The following TMEM214 variants were observed in gnomAD, a reference collection of about 807,000 sequenced individuals.
TMEM214 encodes the protein transmembrane protein 214.
A neutral mutation model predicts 89.8 loss-of-function variants in TMEM214; 71 were observed. The observed-to-expected ratio is 0.79, with a 90% CI of 0.65 to 0.96. The LOEUF is 0.96. Ranked by LOEUF, TMEM214 falls within the 40% of genes least tolerant of loss-of-function variation. TMEM214 has a pLI of 0.00. For synonymous variants in TMEM214, 332 were observed against 349.5 expected (o/e 0.95, Z 0.56); for missense variants, 754 against 843.4 (o/e 0.89, Z 1.31).
intron 1 of TMEM214, among the ~76,000 whole-genome samples, chr2:27,033,661 T>C (rs1365532884): frequency 6.6e-6 from 1 of 151,638 alleles, no homozygotes; most frequent in Non-Finnish European, 1.5e-5. Flanking sequence ...CACTGAGGAG[T>C]GGAGAAAGAT....
intron 13 of TMEM214, 30 bp from the exon 14 acceptor site, chr2:27,039,711 C>G (rs370661796): frequency 6.3e-7 from 1 of 1,599,576 alleles, no homozygotes; most frequent in Non-Finnish European, 8.6e-7. Flanking sequence ...CCTCTCACCT[C>G]CCAGCTCACC....
intron 7 of TMEM214, 69 bp from the exon 8 acceptor site, chr2:27,036,999 TTGGCTTAGC>T: frequency 3.0e-6 from 4 of 1,327,946 alleles, no homozygotes; most frequent in Non-Finnish European, 4.3e-6. Context: ...TTCCTAGATG[TTGGCTTAGC>T]TGGGGTCATG....
chr2:27,039,905 G>A (rs1558400909), intron 14 of TMEM214, 68 bp downstream of exon 14: 8 of 1,390,248 alleles, frequency 5.8e-6, no homozygotes, highest in African/African-American at 1.4e-5. Flanking sequence ...GGGAGGAGGC[G>A]ACAGTCAGTG....
intron 13 of TMEM214, 120 bp downstream of exon 13, chr2:27,039,284 A>C: frequency 1.2e-6 from 1 of 817,766 alleles, no homozygotes. Flanking sequence ...AATCCTGCAG[A>C]GTAAACACTT....
At chr2:27,039,600 C>T in intron 13 of TMEM214, 141 bp from the exon 14 acceptor site, 2 of 760,392 alleles carry the variant, frequency 2.6e-6, no homozygotes, top group Admixed American at 4.0e-5. Flanking sequence ...TCCACAGCAG[C>T]CTGGAGCTGG....
Position 27,040,698 on chromosome 2 carries a change from A to G in TMEM214, c.1944-13A>G. 1 of 1,613,172 alleles carries G rather than the reference A, an allele frequency of 6.2e-7. No individual in the cohort carries two copies. Among genetic ancestry groups the G allele is most frequent in the Non-Finnish European group, 8.5e-7 (1 of 1,179,734 alleles). On this transcript the variant is annotated splice_polypyrimidine_tract_variant and intron_variant, in intron 16 of 16. Transcript: ENST00000238788. ...TCACGTGCATACTCAAAAATGTTCCACTTTCCTTCCAGAGGTGAGGTGACC... is the reference window on the plus strand; with the variant it reads ...TCACGTGCATACTCAAAAATGTTCCGCTTTCCTTCCAGAGGTGAGGTGACC...
rs937887009 is a variant in TMEM214 at position 27,035,964 on chromosome 2, C to T, written c.638-6C>T. 2 of 1,614,074 alleles carry T rather than the reference C, an allele frequency of 1.2e-6. No homozygotes were observed. Among genetic ancestry groups the T allele is most frequent in the Non-Finnish European group, 1.7e-6 (2 of 1,179,940 alleles). On this transcript the variant is annotated splice_polypyrimidine_tract_variant and splice_region_variant and intron_variant, in intron 4 of 16. Coordinates refer to ENST00000238788, the MANE Select transcript of TMEM214 (RefSeq NM_017727.5). ...TGAGTAGGTGTGAGAATGTGTATCT[C>T]TCCAGGGGAGTCACTACATGGTTAC... is the stretch of plus-strand genomic sequence containing the variant.
Position 27,036,732 on chromosome 2 carries a change from TG to T in TMEM214, c.857del (p.Gly286AlafsTer18). ...KVWLGIMLPVLGIKSLSPFAI... is the reference protein window; with the variant it reads ...KVWLGIMLPVXGIKSLSPFAI... The stretch of plus-strand genomic sequence containing the variant: ...TGGCTGGGGATCATGCTGCCTGTGC[TG>T]GGCATCAAGTCTCTGTCTCCCTTTG... On this transcript the variant is annotated frameshift_variant, in exon 7 of 17. Transcript: ENST00000238788. LOFTEE classifies it high-confidence loss of function. 5 of 1,614,182 alleles carry T rather than the reference TG, an allele frequency of 3.1e-6. No individual in the cohort carries two copies. The highest frequency in any genetic ancestry group is 4.2e-6 in the Non-Finnish European group (5 of 1,180,032).
Position 27,036,014 on chromosome 2 carries a change from C to T in TMEM214, c.682C>T (p.Gln228Ter). Reference protein sequence around the residue: ...GYRICIQAILQDKPKIATANL... With the variant: ...GYRICIQAIL ...CCGCATCTGTATCCAGGCCATCCTGCAAGACAAGCCCAAGATTGCCACGGC... is the reference window on the plus strand; with the variant it reads ...CCGCATCTGTATCCAGGCCATCCTGTAAGACAAGCCCAAGATTGCCACGGC... The change falls in exon 5 of 17, where the codon CAA (glutamine) becomes TAA (stop). Residue 228 changes from glutamine (Q) to a stop codon, truncating the protein, a stop_gained. Coordinates refer to ENST00000238788, the MANE Select transcript of TMEM214 (RefSeq NM_017727.5). LOFTEE classifies it high-confidence loss of function. 1.2e-6 allele frequency: 2 copies of T among 1,614,136 alleles called. No homozygotes were observed. The highest frequency in any genetic ancestry group is 1.7e-6 in the Non-Finnish European group (2 of 1,180,026).
At chr2:27,034,585 T>C in intron 2 of TMEM214, 2 of 302,894 alleles carry the variant, frequency 6.6e-6, no homozygotes, top group South Asian at 8.8e-5. Flanking sequence ...TTTTCTGTCT[T>C]GTCCTCTGTT....
Position 27,035,245 on chromosome 2 carries a change from A to C in TMEM214, c.462A>C (p.Gln154His), listed in dbSNP as rs771720052. 6.2e-7 allele frequency: 1 copy of C among 1,614,220 alleles called. No homozygotes were observed. The highest frequency in any genetic ancestry group is 8.5e-7 in the Non-Finnish European group (1 of 1,180,050). The change falls in exon 3 of 17, where the codon CAA (glutamine) becomes CAC (histidine). Residue 154 changes from glutamine to histidine, a missense_variant. By Grantham distance (24) the Gln-to-His change is conservative. Transcript: ENST00000238788. ...CCAGCTATCTCAACTACAAGCTACA[A>C]GCTCCTCTAAGTGAACCCACGCTGA... ...DLASYLNYKLQAPLSEPTLSQ... is the reference protein window; with the variant it reads ...DLASYLNYKLHAPLSEPTLSQ...
chr2:27,037,203 G>C (rs1667605147), intron 8 of TMEM214, 25 bp downstream of exon 8: 4 of 1,539,190 alleles, frequency 2.6e-6, no homozygotes, highest in Non-Finnish European at 3.6e-6. Flanking sequence ...GGGCACACCT[G>C]CTGAGAAGGG....
At position 27,038,846 on chromosome 2, in the gene TMEM214, C is replaced by A. The variant is rs111715220; in HGVS notation, c.1407+31C>A. On this transcript the variant is annotated intron_variant, in intron 12 of 16. Coordinates refer to ENST00000238788, the MANE Select transcript of TMEM214 (RefSeq NM_017727.5). This position sits in a 1 kb window ranked among gnomAD's most constrained non-coding sequence, Gnocchi z 4.4. Reference sequence around the variant, plus strand: ...GGCACCCGGTCCTCTCCAGCCCACACGCTATCTTACATCTCTGTCTCAGCA... The same window carrying A: ...GGCACCCGGTCCTCTCCAGCCCACAAGCTATCTTACATCTCTGTCTCAGCA... 1 of 1,580,168 alleles carries A rather than the reference C, an allele frequency of 6.3e-7. No individual in the cohort carries two copies. The highest frequency in any genetic ancestry group is 8.7e-7 in the Non-Finnish European group (1 of 1,150,770).
At chr2:27,036,904 T>C in intron 7 of TMEM214, 118 bp downstream of exon 7, 1 of 1,174,912 alleles carries the variant, frequency 8.5e-7, no homozygotes, top group South Asian at 1.2e-5. Flanking sequence ...GACCAGCTTC[T>C]CCCACCACCT....
chr2:27,040,298 A>T, intron 15 of TMEM214, 47 bp from the exon 16 acceptor site: 1 of 1,611,722 alleles, frequency 6.2e-7, no homozygotes, highest in Non-Finnish European at 8.5e-7. Context: ...TAGGGCCAGG[A>T]TGCAGTTCCC....
chr2:27,032,974 CGGAA>C lies in TMEM214; in HGVS notation c.-41_-38del, dbSNP rs1194955854. The stretch of plus-strand genomic sequence containing the variant: ...AGAGTGCGGCGCGCTCGCGCCGGAC[CGGAA>C]AGCCGGGGAAGTGGCCGAGGAGGGA... On this transcript the variant is annotated 5_prime_UTR_variant, in exon 1 of 17. Coordinates refer to ENST00000238788, the MANE Select transcript of TMEM214 (RefSeq NM_017727.5). 13 of 1,243,318 alleles carry C rather than the reference CGGAA, an allele frequency of 1.0e-5. No individual in the cohort carries two copies. The highest frequency in any genetic ancestry group is 1.6e-5 in the African/African-American group (1 of 64,318). The allele number at this position is 1,243,318 out of a possible 1,614,324, so 77.0% of individuals were successfully genotyped here.
intron 1 of TMEM214, among the ~76,000 whole-genome samples, chr2:27,033,740 A>G (rs188832689): frequency 3.9e-5 from 6 of 152,254 alleles, no homozygotes; most frequent in Admixed American, 3.9e-4. Flanking sequence ...AAGATGGAAA[A>G]AGCTTGTCTT....
chr2:27,035,895 C>G, intron 4 of TMEM214, 75 bp from the exon 5 acceptor site: 1 of 1,587,826 alleles, frequency 6.3e-7, no homozygotes, highest in Non-Finnish European at 8.6e-7. Flanking sequence ...CCTGGGCTCA[C>G]CGCTGACAAA....
At chr2:27,037,798 C>T (rs777389287) in intron 9 of TMEM214, 96 bp downstream of exon 9, 2 of 1,611,228 alleles carry the variant, frequency 1.2e-6, no homozygotes, top group Admixed American at 1.7e-5. Context: ...AGAGCCCATT[C>T]TGAGGCTTTT....
Sources: allele counts gnomAD v4.1 joint callset (sites outside exome capture counted in the v4.1 genomes callset), GRCh38; gene constraint gnomAD v4.1.1; non-coding constraint Gnocchi (gnomAD v3.1); transcripts MANE v1.5; gene names NCBI Gene and HGNC (gene_info 2026-07-23, HGNC 2026-07-21).